The following FAM90A1 variants were observed in gnomAD, a reference collection of about 807,000 sequenced individuals.
The protein encoded by FAM90A1 is family with sequence similarity 90 member A1.
A neutral mutation model predicts 14.8 loss-of-function variants in FAM90A1; 10 were observed. The observed-to-expected ratio is 0.67, with a 90% confidence interval of 0.42 to 1.14. FAM90A1 has a LOEUF of 1.14. Ranked by LOEUF, FAM90A1 falls within the 50% of genes most tolerant of loss-of-function variation. FAM90A1 has a pLI of 0.00. For missense variants in FAM90A1, 567 were observed against 602.8 expected, an observed-to-expected ratio of 0.94 and a Z score of 0.62; for synonymous variants, 236 against 248.4, an observed-to-expected ratio of 0.95 and a Z score of 0.47.
chr12:8,223,263 G>T (rs1948872084), intron 6 of FAM90A1, among the ~76,000 whole-genome samples, 186 bp downstream of exon 6: 1 of 152,192 alleles, frequency 6.6e-6, no homozygotes, highest in African/African-American at 2.4e-5. Context: ...AAAGCAACAG[G>T]AAATACGGCA....
chr12:8,222,613 T>C lies in FAM90A1; in HGVS notation c.604A>G (p.Arg202Gly). Residue 202 changes from arginine (R) to glycine (G), a missense_variant, in exon 7 of 7, where the codon AGA (arginine) becomes GGA (glycine). Arg to Gly is a moderately radical substitution (Grantham distance 125). Transcript: ENST00000538603. ...SSSSSLGPKERQTGAAADIPQ... is the reference protein window; with the variant it reads ...SSSSSLGPKEGQTGAAADIPQ... ...ATGTCGGCCGCAGCCCCTGTCTGTCTTTCCTTTGGTCCAAGACTTGAGGAG... is the reference window on the plus strand; with the variant it reads ...ATGTCGGCCGCAGCCCCTGTCTGTCCTTCCTTTGGTCCAAGACTTGAGGAG... 6.2e-7 allele frequency: 1 copy of C among 1,611,972 alleles called. No individual in the cohort carries two copies. The highest frequency in any genetic ancestry group is 1.1e-5 in the South Asian group (1 of 90,998).
chr12:8,226,895 T>C (rs1192203165), intron 1 of FAM90A1, among the ~76,000 whole-genome samples: 2 of 145,526 alleles, frequency 1.4e-5, no homozygotes, highest in Non-Finnish European at 3.0e-5. Context: ...AACCTCCGCG[T>C]CTCACAGTCA....
Position 8,225,878 on chromosome 12 carries a change from A to C in FAM90A1, c.-99T>G, listed in dbSNP as rs751133014. ...CTTTCTTTCCCCGGCTGGCGCTGAG[A>C]TGGGCAGGTGCTGGAGCAGCCCCGC... On this transcript the variant is annotated 5_prime_UTR_variant, in exon 3 of 7. Coordinates refer to ENST00000538603, the MANE Select transcript of FAM90A1 (RefSeq NM_018088.3). The C allele has an allele frequency of 3.2e-4, 48 of 152,304 alleles. No homozygotes were observed. The highest frequency in any genetic ancestry group is 1.1e-3 in the African/African-American group (45 of 41,550). 9.4% of individuals were successfully genotyped at this position (152,304 alleles called of 1,614,324 possible). A position where few individuals can be genotyped will look rare whatever the true frequency, so the allele number is the denominator to read the frequency against.
chr12:8,224,016 C>G lies in FAM90A1; in HGVS notation c.323G>C (p.Arg108Thr). The G allele has an allele frequency of 6.2e-7, 1 of 1,611,992 alleles. No individual in the cohort carries two copies. ...KDKGEKEERP[R>T]PQDPQRKALL... ...GGTGAAAACCACTCCCACTGCTCAC[C>G]TTGGTCTCTCTTCCTTCTCTCCCTT... The change falls in exon 5 of 7, where the codon AGG (arginine) becomes ACG (threonine). Residue 108 changes from arginine (R) to threonine (T), a missense_variant and splice_region_variant. Transcript: ENST00000538603.
At chr12:8,223,592 G>C (rs935181623) in intron 5 of FAM90A1, 35 bp from the exon 6 acceptor site, 1 of 1,280,784 alleles carries the variant, frequency 7.8e-7, no homozygotes, top group African/African-American at 1.4e-5. Context: ...CGTCCTCCCT[G>C]GTTTTCCCCA....
intron 2 of FAM90A1, 68 bp downstream of exon 2, chr12:8,226,202 CCT>C (rs1489978585): frequency 6.6e-6 from 1 of 152,262 alleles, no homozygotes; most frequent in Non-Finnish European, 1.5e-5. Flanking sequence ...TGCCTGTACC[CCT>C]GTCTTCTTTT....
intron 1 of FAM90A1, among the ~76,000 whole-genome samples, chr12:8,227,242 T>C (rs887734872): frequency 1.7e-4 from 26 of 151,844 alleles, no homozygotes; most frequent in Non-Finnish European, 3.8e-4. Context: ...AGAGGCGGGG[T>C]CTGGGCCAGC....
At chr12:8,225,352 T>C (rs1253899348) in intron 3 of FAM90A1, among the ~76,000 whole-genome samples, 2 of 152,240 alleles carry the variant, frequency 1.3e-5, no homozygotes, top group African/African-American at 4.8e-5. Context: ...GCCGTTTCAT[T>C]AGGCAACTTC....
intron 5 of FAM90A1, 130 bp downstream of exon 5, chr12:8,223,885 TC>T (rs1474269178): frequency 1.1e-5 from 11 of 988,150 alleles, no homozygotes; most frequent in Non-Finnish European, 1.7e-5. Context: ...GACACAGAGC[TC>T]CGGTCTGTTT....
rs1451685218 is a variant in FAM90A1, at chr12:8,225,940, G to C, written c.-161C>G. 1 of 152,252 alleles carries C rather than the reference G, an allele frequency of 6.6e-6. No individual in the cohort carries two copies. Among genetic ancestry groups the C allele is most frequent in the Non-Finnish European group, 1.5e-5 (1 of 68,056 alleles). The allele number at this position is 152,252 out of a possible 1,614,324, so 9.4% of individuals were successfully genotyped here. A position where few individuals can be genotyped will look rare whatever the true frequency, so the allele number is the denominator to read the frequency against. ...CAGCATCCAGGAAGACGGAGGAAGG[G>C]GCAGAGAGGGACCTCTGCTTTCCAG... On this transcript the variant is annotated 5_prime_UTR_variant, in exon 3 of 7. Coordinates refer to ENST00000538603, the MANE Select transcript of FAM90A1 (RefSeq NM_018088.3).
In FAM90A1 at chr12:8,227,056, G is replaced by A. The variant is rs75882804; in HGVS notation, c.-421+424C>T. On this transcript the variant is annotated intron_variant, in intron 1 of 6. Coordinates refer to ENST00000538603, the MANE Select transcript of FAM90A1 (RefSeq NM_018088.3). ...GACCTCAGGTGATCCACCTGCCTTG[G>A]CCTCCCAATATGCTGGAATTATTGA... Among the ~76,000 whole-genome samples, 48 of 152,178 alleles carry A rather than the reference G, an allele frequency of 3.2e-4. No homozygotes were observed. In the East Asian group the frequency reaches 9.1e-3, roughly 29 times the overall value.
intron 2 of FAM90A1, 85 bp downstream of exon 2, chr12:8,226,187 A>G (rs1948939088): frequency 6.6e-6 from 1 of 152,252 alleles, no homozygotes; most frequent in Admixed American, 6.5e-5. Flanking sequence ...GATATGTAAC[A>G]CTGGTGCCTG....
chr12:8,227,562 G>C lies in FAM90A1; in HGVS notation c.-503C>G, dbSNP rs1304976119. 2 of 1,235,826 alleles carry C rather than the reference G, an allele frequency of 1.6e-6. No individual in the cohort carries two copies. Among genetic ancestry groups the C allele is most frequent in the African/African-American group, 3.1e-5 (2 of 64,644 alleles). 76.6% of individuals were successfully genotyped at this position (1,235,826 alleles called of 1,614,324 possible). A position where few individuals can be genotyped will look rare whatever the true frequency, so the allele number is the denominator to read the frequency against. On this transcript the variant is annotated 5_prime_UTR_variant, in exon 1 of 7. Coordinates refer to ENST00000538603, the MANE Select transcript of FAM90A1 (RefSeq NM_018088.3). ...GGGTCAGGGTGCACACATCCCTGCA[G>C]GTCTCGGGGCTCCTGGGTTGCTTCT... is the stretch of plus-strand genomic sequence containing the variant.
At chr12:8,225,027 C>T in intron 3 of FAM90A1, 139 bp from the exon 4 acceptor site, 1 of 640,518 alleles carries the variant, frequency 1.6e-6, no homozygotes. Flanking sequence ...CTGTGGAACA[C>T]AATGTGCTGT....
rs754946413 is a variant in FAM90A1 at position 8,221,595 on chromosome 12, T to C, written c.*227A>G. The C allele has an allele frequency of 1.7e-6, 1 of 604,276 alleles. No homozygotes were observed. Among genetic ancestry groups the C allele is most frequent in the Non-Finnish European group, 2.9e-6 (1 of 346,628 alleles). The allele number at this position is 604,276 out of a possible 1,614,324, so 37.4% of individuals were successfully genotyped here. ...GGCACGGAAGCTTTTCCTGGCGCGT[T>C]TCCAGAGAACCATGCGAACTACAAT... is the stretch of plus-strand genomic sequence containing the variant. On this transcript the variant is annotated 3_prime_UTR_variant, in exon 7 of 7. Coordinates refer to ENST00000538603, the MANE Select transcript of FAM90A1 (RefSeq NM_018088.3).
At position 8,221,308 on chromosome 12, in the gene FAM90A1, A is replaced by G. The variant is rs769613043; in HGVS notation, c.*514T>C. ...ACTTCAAAACAAATTCAACACACCT[A>G]TTTACAAAGGGATTCCAGAGCCCAC... On this transcript the variant is annotated 3_prime_UTR_variant, in exon 7 of 7. Transcript: ENST00000538603. The G allele has an allele frequency of 1.1e-4, 21 of 196,502 alleles. No homozygotes were observed. In the East Asian group the frequency reaches 1.3e-3, roughly 12 times the overall value. The allele number at this position is 196,502 out of a possible 1,614,324, so 12.2% of individuals were successfully genotyped here.
chr12:8,225,204 A>G (rs1948918961), intron 3 of FAM90A1, among the ~76,000 whole-genome samples: 1 of 152,254 alleles, frequency 6.6e-6, no homozygotes, highest in Non-Finnish European at 1.5e-5. Context: ...TCACTCCGGT[A>G]GAAGACACGA....
In FAM90A1 at chr12:8,222,044, A is replaced by T; in HGVS notation, c.1173T>A (p.Pro391=). ...CCAGTCTCCGAAAGAGCACTCTGAG[A>T]GGCTGGGCCCCATCATGGCTGGCCG... ...HPAASHDGAQ[P]LRVLFRRLEN... The change falls in exon 7 of 7, where the codon CCT becomes CCA. Residue 391 remains proline, a synonymous_variant. Coordinates refer to ENST00000538603, the MANE Select transcript of FAM90A1 (RefSeq NM_018088.3). 1 of 1,604,370 alleles carries T rather than the reference A, an allele frequency of 6.2e-7. No individual in the cohort carries two copies. Among genetic ancestry groups the T allele is most frequent in the Admixed American group, 1.7e-5 (1 of 60,022 alleles).
rs1948845444 is a variant in FAM90A1 at position 8,222,266 on chromosome 12, T to C, written c.951A>G (p.Glu317=). 1 of 1,611,168 alleles carries C rather than the reference T, an allele frequency of 6.2e-7. No homozygotes were observed. Among genetic ancestry groups the C allele is most frequent in the African/African-American group, 1.3e-5 (1 of 74,842 alleles). The change falls in exon 7 of 7, where the codon GAA becomes GAG. Residue 317 remains glutamate (E), a synonymous_variant. Coordinates refer to ENST00000538603, the MANE Select transcript of FAM90A1 (RefSeq NM_018088.3). ...CCAGCTCACCTCCCTGGATGGCGCT[T>C]TCGGGGATCTGGAAGGGACCCAGTC... is the stretch of plus-strand genomic sequence containing the variant. ...KPRLGPFQIP[E]SAIQGGELGA... is the part of the protein sequence containing the mutation.
Sources: gnomAD v4.1 joint callset for allele counts (sites outside exome capture counted in the v4.1 genomes callset) on GRCh38, gnomAD v4.1.1 for gene constraint, MANE v1.5 for transcripts, NCBI Gene and HGNC (gene_info 2026-07-23, HGNC 2026-07-21) for gene names.